Variants in SIPA1L1 observed in about 807,000 individuals in gnomAD.
The protein encoded by SIPA1L1 is signal induced proliferation associated 1 like 1, also known as signal-induced proliferation-associated 1-like protein 1.
In SIPA1L1, 26 loss-of-function variants were observed where a neutral mutation model predicts 162.7. The observed-to-expected ratio is 0.16, with a 90% CI of 0.12 to 0.22. The LOEUF is 0.22. Among genes scored for constraint, SIPA1L1 ranks in the 10% least tolerant of loss-of-function variants. SIPA1L1 has a pLI of 1.00. For missense variants in SIPA1L1, 1,874 were observed against 2,241.0 expected (o/e 0.84, Z 3.31); for synonymous variants, 829 against 837.4 (o/e 0.99, Z 0.17).
intron 4 of SIPA1L1, among the ~76,000 whole-genome samples, chr14:71,571,062 T>C (rs1251908239): frequency 6.6e-6 from 1 of 152,224 alleles, no homozygotes; most frequent in Non-Finnish European, 1.5e-5. Context: ...TCCAAAGTGC[T>C]GGGATTATAG....
chr14:71,330,782 TC>T (rs2034438224), intron 2 of SIPA1L1: 2 of 738,442 alleles, frequency 2.7e-6, no homozygotes, highest in Non-Finnish European at 2.5e-6. Context: ...CAGTGGGCTG[TC>T]CCTGACGACC....
intron 2 of SIPA1L1, among the ~76,000 whole-genome samples, chr14:71,401,094 A>C (rs1376632177): frequency 6.6e-6 from 1 of 152,168 alleles, no homozygotes; most frequent in Non-Finnish European, 1.5e-5. Flanking sequence ...TTGAAAAGTA[A>C]ATTTGATTGC....
chr14:71,432,695 G>C (rs558766429), intron 2 of SIPA1L1, among the ~76,000 whole-genome samples: 1 of 152,272 alleles, frequency 6.6e-6, no homozygotes, highest in East Asian at 1.9e-4. Context: ...AAAAGCGTTT[G>C]CTTCTGAGAC....
At chr14:71,372,460 T>A (rs2038981483) in intron 2 of SIPA1L1, among the ~76,000 whole-genome samples, 1 of 152,174 alleles carries the variant, frequency 6.6e-6, no homozygotes, top group African/African-American at 2.4e-5. Flanking sequence ...TACTTCTTTT[T>A]CCAAAATTTA....
chr14:71,627,643 A>G (rs1455250504), intron 7 of SIPA1L1, among the ~76,000 whole-genome samples: 3 of 152,232 alleles, frequency 2.0e-5, no homozygotes, highest in African/African-American at 7.2e-5. Flanking sequence ...TGAAATAAAT[A>G]CATATTTCAT....
intron 2 of SIPA1L1, among the ~76,000 whole-genome samples, chr14:71,452,950 ATC>A (rs2045933328): frequency 6.6e-6 from 1 of 152,178 alleles, no homozygotes; most frequent in African/African-American, 2.4e-5. Flanking sequence ...AGTTTTTCAA[ATC>A]TCTAGACCCT....
At chr14:71,512,116 G>A (rs1342917206) in intron 2 of SIPA1L1, among the ~76,000 whole-genome samples, 1 of 152,150 alleles carries the variant, frequency 6.6e-6, no homozygotes, top group South Asian at 2.1e-4. Context: ...TTTTCTGTAG[G>A]TAAGAAATAC....
At chr14:71,537,868 A>G (rs1567169094) in intron 4 of SIPA1L1, among the ~76,000 whole-genome samples, 1 of 152,184 alleles carries the variant, frequency 6.6e-6, no homozygotes, top group Non-Finnish European at 1.5e-5. Flanking sequence ...AAAATCTGCC[A>G]CTGTTCCTTT....
chr14:71,502,255 A>ATATATATATATATATAT (rs1555440997), intron 2 of SIPA1L1, among the ~76,000 whole-genome samples: 30 of 97,526 alleles, frequency 3.1e-4, no homozygotes, highest in African/African-American at 1.1e-3. Flanking sequence ...AAAAAAAAAA[A>ATATATATATATATATAT]ATATATATAT....
At chr14:71,532,283 T>C (rs1303218030) in intron 4 of SIPA1L1, among the ~76,000 whole-genome samples, 1 of 152,186 alleles carries the variant, frequency 6.6e-6, no homozygotes, top group Non-Finnish European at 1.5e-5. Flanking sequence ...ATTGAAAATT[T>C]TCTTTGAAAA....
At chr14:71,612,737 C>T (rs961065913) in intron 5 of SIPA1L1, among the ~76,000 whole-genome samples, 1 of 152,196 alleles carries the variant, frequency 6.6e-6, no homozygotes, top group Non-Finnish European at 1.5e-5. Flanking sequence ...TTGCCTTGTA[C>T]ACACATGCTT....
At chr14:71,682,049 C>T (rs2045856990) in intron 12 of SIPA1L1, among the ~76,000 whole-genome samples, 1 of 152,182 alleles carries the variant, frequency 6.6e-6, no homozygotes, top group African/African-American at 2.4e-5. Context: ...GACTAACTTA[C>T]ACAGTCTTAC....
rs1395528218 is a variant in SIPA1L1 at position 71,590,035 on chromosome 14, AAAAAAAAAAATATATATATAT to A, written c.1498+667_1498+687del. Among the ~76,000 whole-genome samples the A allele has an allele frequency of 7.0e-5, 6 of 85,304 alleles. No individual in the cohort carries two copies. The South Asian group carries it at 1.2e-3, about 16-fold the overall frequency. 56.0% of individuals were successfully genotyped at this position (85,304 alleles called of 152,430 possible). A position where few individuals can be genotyped will look rare whatever the true frequency, so the allele number is the denominator to read the frequency against. ...GAGTGGGAGAGTAAAAAAAAAAAAA[AAAAAAAAAAATATATATATAT>A]ATATATATATATATATATATGTACA... is the stretch of plus-strand genomic sequence containing the variant. On this transcript the variant is annotated intron_variant, in intron 5 of 23. Coordinates refer to ENST00000381232, the MANE Select transcript of SIPA1L1 (RefSeq NM_001386936.1).
intron 5 of SIPA1L1, among the ~76,000 whole-genome samples, chr14:71,615,447 A>G (rs2038724651): frequency 6.6e-6 from 1 of 152,206 alleles, no homozygotes; most frequent in Middle Eastern, 3.2e-3. Flanking sequence ...AAAACAAACC[A>G]GTTAGAAGAC....
intron 2 of SIPA1L1, among the ~76,000 whole-genome samples, chr14:71,424,953 CTT>C (rs1457974164): frequency 6.6e-6 from 1 of 151,846 alleles, no homozygotes; most frequent in Non-Finnish European, 1.5e-5. Flanking sequence ...AGTTATATCT[CTT>C]AGGTTTTCTG....
intron 19 of SIPA1L1, among the ~76,000 whole-genome samples, chr14:71,726,530 G>C (rs570970943): frequency 9.2e-5 from 14 of 152,296 alleles, no homozygotes; most frequent in African/African-American, 3.4e-4. Flanking sequence ...AGAAATAATT[G>C]AAGGCAAATG....
Position 71,739,419 on chromosome 14 carries a change from A to AT in SIPA1L1, c.*265dup, listed in dbSNP as rs1220352802. On this transcript the variant is annotated 3_prime_UTR_variant, in exon 24 of 24. Transcript: ENST00000381232. ...TAACTGCTAAAATGTGAATGTCTTT[A>AT]TTTTTTTGCACAATATCTTTATCTG... is the stretch of plus-strand genomic sequence containing the variant. 8.2e-6 allele frequency: 2 copies of AT among 243,184 alleles called. No individual in the cohort carries two copies. Among genetic ancestry groups the AT allele is most frequent in the Non-Finnish European group, 1.5e-5 (2 of 134,042 alleles). 15.1% of individuals were successfully genotyped at this position (243,184 alleles called of 1,614,324 possible).
intron 2 of SIPA1L1, among the ~76,000 whole-genome samples, chr14:71,363,471 G>T (rs1182154211): frequency 2.0e-5 from 3 of 151,882 alleles, no homozygotes; most frequent in African/African-American, 7.3e-5. Flanking sequence ...CTGGATACAA[G>T]TGAAAACATA....
At chr14:71,533,811 T>C (rs78483274) in intron 4 of SIPA1L1, among the ~76,000 whole-genome samples, 9,550 of 152,246 alleles carry the variant, frequency 0.063, 387 homozygotes, top group African/African-American at 0.1. Flanking sequence ...TCTAAAAAAC[T>C]GATTGGTAAA....
Sources: gnomAD v4.1 joint callset for allele counts (sites outside exome capture counted in the v4.1 genomes callset) on GRCh38, gnomAD v4.1.1 for gene constraint, MANE v1.5 for transcripts, NCBI Gene and HGNC (gene_info 2026-07-23, HGNC 2026-07-21) for gene names.